The following ADAMTS18 variants were observed in gnomAD, a reference collection of about 807,000 sequenced individuals.
The protein encoded by ADAMTS18 is A disintegrin and metalloproteinase with thrombospondin motifs 18.
Under a neutral mutation model 165.9 loss-of-function variants are expected in ADAMTS18, and 157 were observed. The observed-to-expected ratio is 0.95, with a 90% CI of 0.83 to 1.08. The LOEUF (loss-of-function observed/expected upper bound fraction) is 1.08, where lower values mean the gene tolerates loss of function less well. Among genes scored for constraint, ADAMTS18 ranks in the 50% least tolerant of loss-of-function variants. The pLI is 0.00. For missense variants in ADAMTS18, 2,040 were observed against 1,534.0 expected (o/e 1.33, Z -5.51); for synonymous variants, 782 against 578.2 (o/e 1.35, Z -5.06).
intron 9 of ADAMTS18, among the ~76,000 whole-genome samples, chr16:77,354,580 T>C (rs1462550149): frequency 6.6e-6 from 1 of 152,046 alleles, no homozygotes; most frequent in Non-Finnish European, 1.5e-5. Flanking sequence ...TTAATTATCA[T>C]GGTGGTTAAG....
chr16:77,295,564 C>T (rs2055453620), intron 18 of ADAMTS18, among the ~76,000 whole-genome samples: 1 of 152,106 alleles, frequency 6.6e-6, no homozygotes, highest in African/African-American at 2.4e-5. Flanking sequence ...ATAAGTGCTG[C>T]AATGGAAGTC....
chr16:77,355,876 C>T (rs201409752), intron 9 of ADAMTS18, 64 bp downstream of exon 9: 171 of 1,599,416 alleles, frequency 1.1e-4, no homozygotes, highest in Middle Eastern at 1.7e-4. Flanking sequence ...GTTTGCAGGT[C>T]TATGGAGCAC....
intron 3 of ADAMTS18, among the ~76,000 whole-genome samples, chr16:77,400,530 G>A (rs1482811016): frequency 1.3e-5 from 2 of 148,398 alleles, no homozygotes; most frequent in Non-Finnish European, 3.0e-5. Context: ...CGCCCAGGCT[G>A]GAGCGCAGTG....
rs199992875 is a variant in ADAMTS18, at chr16:77,291,360, T to G, written c.3308A>C (p.Asn1103Thr). 4.2e-5 allele frequency: 68 copies of G among 1,614,146 alleles called. No homozygotes were observed. In the East Asian group the frequency reaches 1.5e-3, roughly 36 times the overall value. ...ERRCRNIKKPNLDLEETCNRR... is the reference protein window; with the variant it reads ...ERRCRNIKKPTLDLEETCNRR... Reference sequence around the variant, plus strand: ...GTTGCAGGTCTCTTCCAAGTCCAGATTTGGTTTCTTAATATTACGGCATCT... The same window carrying G: ...GTTGCAGGTCTCTTCCAAGTCCAGAGTTGGTTTCTTAATATTACGGCATCT... The change falls in exon 21 of 23, where the codon AAT becomes ACT. Residue 1103 changes from asparagine (N) to threonine (T), a missense_variant. By Grantham distance (65) the Asn-to-Thr change is moderately conservative. Coordinates refer to ENST00000282849, the MANE Select transcript of ADAMTS18 (RefSeq NM_199355.4).
intron 3 of ADAMTS18, among the ~76,000 whole-genome samples, chr16:77,368,557 C>T (rs557559132): frequency 1.3e-4 from 19 of 151,834 alleles, no homozygotes; most frequent in South Asian, 6.2e-4. Flanking sequence ...CTGCCTCAGC[C>T]TCCTGAATAG....
chr16:77,394,097 C>G (rs1181540121), intron 3 of ADAMTS18, among the ~76,000 whole-genome samples: 7 of 152,116 alleles, frequency 4.6e-5, no homozygotes, highest in Admixed American at 2.6e-4. Context: ...AAGATTGATC[C>G]CCTGGAATCC....
chr16:77,318,443 A>G (rs77200535), intron 16 of ADAMTS18, among the ~76,000 whole-genome samples: 13,382 of 152,240 alleles, frequency 0.088, 798 homozygotes, highest in East Asian at 0.27. Context: ...TACATGTAAC[A>G]CAGTCTGTTT....
chr16:77,349,048 A>C (rs894960886), intron 10 of ADAMTS18, among the ~76,000 whole-genome samples: 1 of 152,248 alleles, frequency 6.6e-6, no homozygotes. Context: ...AATGGCATGC[A>C]GTAAACTTGG....
intron 3 of ADAMTS18, 106 bp downstream of exon 3, chr16:77,431,189 G>C (rs1442851479): frequency 7.6e-6 from 9 of 1,189,194 alleles, no homozygotes; most frequent in East Asian, 7.1e-5. Context: ...CTGACAGTGT[G>C]AATGTGTGGA....
intron 3 of ADAMTS18, among the ~76,000 whole-genome samples, chr16:77,387,404 A>T (rs928065774): frequency 6.6e-6 from 1 of 152,186 alleles, no homozygotes; most frequent in East Asian, 1.9e-4. Flanking sequence ...TCATAAACCA[A>T]ATATGTCTAG....
chr16:77,323,125 T>TA lies in ADAMTS18; in HGVS notation c.2033-660dup, dbSNP rs543657272. Among the ~76,000 whole-genome samples the TA allele has an allele frequency of 3.0e-4, 45 of 151,506 alleles. 1 individual carries two copies. Among genetic ancestry groups the TA allele is most frequent in the Non-Finnish European group, 4.6e-4 (31 of 67,842 alleles). On this transcript the variant is annotated intron_variant, in intron 13 of 22. Coordinates refer to ENST00000282849, the MANE Select transcript of ADAMTS18 (RefSeq NM_199355.4). ...TGTTTCTGATATCAAAGGCAAAAAT[T>TA]AAAAAAAAATTATATTTATAGAGCT...
intron 16 of ADAMTS18, among the ~76,000 whole-genome samples, chr16:77,301,749 T>C (rs1028949428): frequency 6.8e-6 from 1 of 147,626 alleles, no homozygotes; most frequent in African/African-American, 2.4e-5. Flanking sequence ...TCTCCAGGAG[T>C]ATTATGACTA....
intron 3 of ADAMTS18, among the ~76,000 whole-genome samples, chr16:77,398,398 AGG>A (rs2057286195): frequency 6.6e-6 from 1 of 152,132 alleles, no homozygotes; most frequent in Non-Finnish European, 1.5e-5. Flanking sequence ...CAGGAACCCC[AGG>A]GAGTGGTATA....
intron 11 of ADAMTS18, 46 bp from the exon 12 acceptor site, chr16:77,335,950 G>C (rs769987894): frequency 2.5e-6 from 4 of 1,613,230 alleles, no homozygotes; most frequent in Non-Finnish European, 3.4e-6. Flanking sequence ...GACCACCTGG[G>C]AAAGCGCAGG....
At chr16:77,389,456 G>A (rs1415059737) in intron 3 of ADAMTS18, among the ~76,000 whole-genome samples, 3 of 152,192 alleles carry the variant, frequency 2.0e-5, no homozygotes, top group African/African-American at 7.2e-5. Context: ...ATGACAGTGT[G>A]TGTCTGTCAG....
At chr16:77,355,475 A>G (rs1195518234) in intron 9 of ADAMTS18, among the ~76,000 whole-genome samples, 2 of 152,198 alleles carry the variant, frequency 1.3e-5, no homozygotes, top group African/African-American at 4.8e-5. Flanking sequence ...AGCATTTTTA[A>G]AATACTCTAT....
chr16:77,300,007 A>T, intron 17 of ADAMTS18: 1 of 365,774 alleles, frequency 2.7e-6, no homozygotes, highest in Admixed American at 4.0e-5. Flanking sequence ...TATATTTTAT[A>T]TGTTTTTCCC....
intron 3 of ADAMTS18, among the ~76,000 whole-genome samples, chr16:77,419,636 A>C (rs943476933): frequency 2.6e-5 from 4 of 151,914 alleles, no homozygotes; most frequent in Non-Finnish European, 4.4e-5. Context: ...ATCTGCAAAA[A>C]CTCCTTCCCA....
chr16:77,418,666 C>G (rs190054937), intron 3 of ADAMTS18, among the ~76,000 whole-genome samples: 8 of 152,298 alleles, frequency 5.3e-5, no homozygotes, highest in Admixed American at 4.6e-4. Flanking sequence ...TAGTGAATAT[C>G]TAAGAAAACT....
Sources: allele counts gnomAD v4.1 joint callset (sites outside exome capture counted in the v4.1 genomes callset), GRCh38; gene constraint gnomAD v4.1.1; transcripts MANE v1.5; gene names NCBI Gene and HGNC (gene_info 2026-07-23, HGNC 2026-07-21).